TMC7: variants seen among roughly 807,000 people sequenced by gnomAD.
TMC7 encodes transmembrane channel like 7, also known as transmembrane channel-like protein 7.
Under a neutral mutation model 82.9 loss-of-function variants are expected in TMC7, and 54 were observed. That is an observed-to-expected ratio of 0.65 (90% CI 0.52 to 0.82). The LOEUF is 0.82. TMC7 is among the 40% of genes least tolerant of loss of function. TMC7 has a pLI of 0.00. For missense variants in TMC7, 820 were observed against 901.2 expected, an observed-to-expected ratio of 0.91 and a Z score of 1.15; for synonymous variants, 350 against 337.9, an observed-to-expected ratio of 1.04 and a Z score of -0.39.
At chr16:19,013,985 C>T (rs1256175201) in intron 2 of TMC7, among the ~76,000 whole-genome samples, 1 of 151,198 alleles carries the variant, frequency 6.6e-6, no homozygotes, top group Admixed American at 6.7e-5. Context: ...TCCCAAGTAG[C>T]TGGGACTACA....
rs373113929 is a variant in TMC7 at position 19,016,608 on chromosome 16, C to T, written c.460+10C>T. On this transcript the variant is annotated intron_variant, in intron 3 of 15. Transcript: ENST00000304381. ...ATCCGCAGCATAGAAGGTATGCTGT[C>T]CTCACCTCTCTGCAGGCTCCTCCGC... The T allele has an allele frequency of 1.1e-5, 17 of 1,612,050 alleles. No homozygotes were observed. Among genetic ancestry groups the T allele is most frequent in the Admixed American group, 1.7e-5 (1 of 59,892 alleles).
chr16:19,025,572 T>C (rs1960182011), intron 5 of TMC7, among the ~76,000 whole-genome samples: 1 of 152,014 alleles, frequency 6.6e-6, no homozygotes, highest in Non-Finnish European at 1.5e-5. Flanking sequence ...TGAGCTGAGA[T>C]CACGCAACTG....
At chr16:19,043,075 A>G (rs1596782510) in intron 9 of TMC7, among the ~76,000 whole-genome samples, 1 of 151,850 alleles carries the variant, frequency 6.6e-6, no homozygotes, top group South Asian at 2.1e-4. Context: ...TACAAACCAA[A>G]CAATGGAAAA....
At chr16:19,049,418 G>C (rs1197311245) in intron 12 of TMC7, among the ~76,000 whole-genome samples, 1 of 152,192 alleles carries the variant, frequency 6.6e-6, no homozygotes, top group South Asian at 2.1e-4. Flanking sequence ...TTGAACCCAG[G>C]TTTATTTCAC....
At chr16:18,998,211 C>T (rs1280816178) in intron 1 of TMC7, among the ~76,000 whole-genome samples, 1 of 152,168 alleles carries the variant, frequency 6.6e-6, no homozygotes, top group Non-Finnish European at 1.5e-5. Flanking sequence ...ATATGATTGC[C>T]ATCTAATCCT....
intron 9 of TMC7, 73 bp downstream of exon 9, chr16:19,040,519 C>T (rs182457659): frequency 7.3e-7 from 1 of 1,374,212 alleles, no homozygotes; most frequent in East Asian, 2.3e-5. Context: ...CCATGGCAGA[C>T]ATCGCTAATC....
At position 19,047,231 on chromosome 16, in the gene TMC7, C is replaced by G; in HGVS notation, c.1722C>G (p.Ile574Met). ...LPAIATLKFIIIFYVKEWSLL... is the reference protein window; with the variant it reads ...LPAIATLKFIMIFYVKEWSLL... ...CAATTGCAACCCTGAAATTCATTATCATCTTCTATGTGAAAGAGGTAAGGA... is the reference window on the plus strand; with the variant it reads ...CAATTGCAACCCTGAAATTCATTATGATCTTCTATGTGAAAGAGGTAAGGA... The change falls in exon 12 of 16, where the codon ATC (isoleucine) becomes ATG (methionine). Residue 574 changes from isoleucine to methionine, a missense_variant. Ile to Met is a conservative substitution (Grantham distance 10). Around this residue, in one of 2 missense-constraint regions of TMC7, gnomAD observed 170 missense variants for 231.3 expected, o/e 0.74. Coordinates refer to ENST00000304381, the MANE Select transcript of TMC7 (RefSeq NM_024847.4). The G allele has an allele frequency of 6.2e-7, 1 of 1,613,896 alleles. No homozygotes were observed. The highest frequency in any genetic ancestry group is 1.1e-5 in the South Asian group (1 of 91,046).
chr16:19,050,876 T>C (rs1961507373), intron 12 of TMC7, among the ~76,000 whole-genome samples: 1 of 152,042 alleles, frequency 6.6e-6, no homozygotes, highest in Non-Finnish European at 1.5e-5. Context: ...CCTAATGAAC[T>C]CCTGCTCCCC....
chr16:19,022,284 C>T (rs1274905167), intron 4 of TMC7, among the ~76,000 whole-genome samples: 1 of 152,050 alleles, frequency 6.6e-6, no homozygotes, highest in Non-Finnish European at 1.5e-5. Flanking sequence ...CTGAAAATGG[C>T]AAATCACAAA....
intron 6 of TMC7, 129 bp downstream of exon 6, chr16:19,030,498 T>G: frequency 9.2e-7 from 1 of 1,085,836 alleles, no homozygotes; most frequent in Non-Finnish European, 1.3e-6. Flanking sequence ...GGGGAAGGGT[T>G]TGTGAGTCCA....
intron 6 of TMC7, among the ~76,000 whole-genome samples, chr16:19,030,578 C>CT (rs572433772): frequency 0.017 from 2,242 of 135,366 alleles, 42 homozygotes; most frequent in African/African-American, 0.048. Context: ...TGAGGTTCTT[C>CT]TTTTTTTTTT....
At position 19,009,204 on chromosome 16, in the gene TMC7, T is replaced by G; in HGVS notation, c.100T>G (p.Ser34Ala). The G allele has an allele frequency of 1.9e-6, 3 of 1,614,140 alleles. No homozygotes were observed. The highest frequency in any genetic ancestry group is 2.5e-6 in the Non-Finnish European group (3 of 1,180,032). Residue 34 changes from serine (S) to alanine (A), a missense_variant, in exon 2 of 16, where the codon TCT becomes GCT. Physicochemically the swap from Ser to Ala is moderately conservative, Grantham distance 99. Around this residue, in one of 2 missense-constraint regions of TMC7, gnomAD observed 650 missense variants for 669.9 expected, o/e 0.97. Transcript: ENST00000304381. Reference protein sequence around the residue: ...NLSLDSSCFSSPPVNFLQELP... With the variant: ...NLSLDSSCFSAPPVNFLQELP... ...CTCTCTAGACTCCAGTTGCTTCTCTTCTCCACCTGTGAACTTCCTCCAAGA... is the reference window on the plus strand; with the variant it reads ...CTCTCTAGACTCCAGTTGCTTCTCTGCTCCACCTGTGAACTTCCTCCAAGA...
Position 19,057,012 on chromosome 16 carries a change from G to T in TMC7, c.2027+315G>T, listed in dbSNP as rs144926435. Among the ~76,000 whole-genome samples, 1,261 of 152,152 alleles carry T rather than the reference G, an allele frequency of 8.3e-3. 6 individuals are homozygous for T. The highest frequency in any genetic ancestry group is 0.018 in the Admixed American group (280 of 15,252). ...AAATTAGCTGGGCATGGTGGTGCATGCCTGTAATGCCAGCTACTCAGGTGG... is the reference window on the plus strand; with the variant it reads ...AAATTAGCTGGGCATGGTGGTGCATTCCTGTAATGCCAGCTACTCAGGTGG... On this transcript the variant is annotated intron_variant, in intron 14 of 15. Transcript: ENST00000304381.
At chr16:19,033,178 C>T (rs1960595779) in intron 6 of TMC7, among the ~76,000 whole-genome samples, 1 of 152,122 alleles carries the variant, frequency 6.6e-6, no homozygotes, top group South Asian at 2.1e-4. Context: ...GTGAAATGTG[C>T]ATCCTGGAAG....
chr16:19,023,653 G>A (rs1376518363), intron 5 of TMC7, among the ~76,000 whole-genome samples: 1 of 152,074 alleles, frequency 6.6e-6, no homozygotes, highest in Non-Finnish European at 1.5e-5. Context: ...CACCATGTTG[G>A]CCAGGCTGGT....
Position 19,061,893 on chromosome 16 carries a change from G to A in TMC7, c.*50G>A. The A allele has an allele frequency of 6.5e-7, 1 of 1,527,118 alleles. No homozygotes were observed. The highest frequency in any genetic ancestry group is 9.0e-7 in the Non-Finnish European group (1 of 1,111,728). The allele number at this position is 1,527,118 out of a possible 1,614,324, so 94.6% of individuals were successfully genotyped here. On this transcript the variant is annotated 3_prime_UTR_variant, in exon 16 of 16. Transcript: ENST00000304381. Reference sequence around the variant, plus strand: ...TGCCTGTTGCTTCTAAGCTGACCTAGTGATTCTGCTGAGCCTACAGAGTCT... The same window carrying A: ...TGCCTGTTGCTTCTAAGCTGACCTAATGATTCTGCTGAGCCTACAGAGTCT...
chr16:18,996,407 A>G (rs1232828504), intron 1 of TMC7, among the ~76,000 whole-genome samples: 1 of 152,178 alleles, frequency 6.6e-6, no homozygotes, highest in African/African-American at 2.4e-5. Context: ...CCATTTTTCA[A>G]CAAAAATTAT....
chr16:19,006,703 CACGGG>C (rs1049545552), intron 1 of TMC7, among the ~76,000 whole-genome samples: 1 of 152,242 alleles, frequency 6.6e-6, no homozygotes, highest in African/African-American at 2.4e-5. Context: ...CGATGCAGGG[CACGGG>C]GGAGCCCGCT....
intron 8 of TMC7, 151 bp from the exon 9 acceptor site, chr16:19,040,138 A>AT: frequency 2.1e-6 from 1 of 466,046 alleles, no homozygotes; most frequent in Non-Finnish European, 3.6e-6. Context: ...AAAAAAAAAA[A>AT]GGAACGAGAT....
Sources: allele counts gnomAD v4.1 joint callset (sites outside exome capture counted in the v4.1 genomes callset), GRCh38; gene constraint gnomAD v4.1.1; regional missense constraint gnomAD v4.1.1; transcripts MANE v1.5; gene names NCBI Gene and HGNC (gene_info 2026-07-23, HGNC 2026-07-21).